Variants in PDZD4 observed in about 807,000 individuals in gnomAD.
The protein encoded by PDZD4 is PDZ domain-containing protein 4.
In PDZD4, 9 loss-of-function variants were observed where a neutral mutation model predicts 38.5. That is an observed-to-expected ratio of 0.23 (90% CI 0.14 to 0.41). The LOEUF is 0.41. Ranked by LOEUF, PDZD4 falls within the 10% of genes least tolerant of loss-of-function variation. PDZD4 has a pLI of 1.00. For missense variants in PDZD4, 612 were observed against 722.0 expected (o/e 0.85, Z 1.75); for synonymous variants, 349 against 315.7 (o/e 1.11, Z -1.12).
chrX:153,822,623 T>TTCTCTCTC (rs372129887), intron 1 of PDZD4, among the ~76,000 whole-genome samples: 131 of 89,880 alleles, frequency 1.5e-3, no homozygotes, highest in Non-Finnish European at 2.6e-3. Context: ...TGTTTTTTCT[T>TTCTCTCTC]TCTCTCTCTC....
At position 153,804,491 on chromosome X, in the gene PDZD4, C is replaced by T; in HGVS notation, c.1190G>A (p.Arg397His). 1.7e-6 allele frequency: 2 copies of T among 1,210,151 alleles called. No homozygotes were observed. Among genetic ancestry groups the T allele is most frequent in the Non-Finnish European group, 2.2e-6 (2 of 895,517 alleles). ...CATCTCGTGGCCCAGGCTCTCGTTGCGGTTGACGTCCAGGGCGCTGTTGCC... is the reference window on the plus strand; with the variant it reads ...CATCTCGTGGCCCAGGCTCTCGTTGTGGTTGACGTCCAGGGCGCTGTTGCC... ...SGGNSALDVN[R>H]NESLGHEMAM... The change falls in exon 8 of 8, where the codon CGC becomes CAC. Residue 397 changes from arginine (R) to histidine (H), a missense_variant. Physicochemically the swap from Arg to His is conservative, Grantham distance 29. Transcript: ENST00000393758.
intron 1 of PDZD4, among the ~76,000 whole-genome samples, chrX:153,821,745 G>A (rs1402604322): frequency 1.8e-5 from 2 of 111,508 alleles, no homozygotes; most frequent in South Asian, 3.8e-4. Flanking sequence ...AGACCTCAAC[G>A]AAGGCCTTCT....
chrX:153,807,914 G>T (rs782367218), intron 2 of PDZD4: 1 of 984,835 alleles, frequency 1.0e-6, no homozygotes, highest in Non-Finnish European at 1.3e-6. Context: ...TGAGCCACCA[G>T]GCCTGGATGA....
chrX:153,812,935 G>A (rs1417578565), intron 1 of PDZD4, among the ~76,000 whole-genome samples: 2 of 108,285 alleles, frequency 1.8e-5, no homozygotes, highest in African/African-American at 6.8e-5. Context: ...CACTCAACAT[G>A]GCCAACCCCA....
At position 153,805,581 on chromosome X, in the gene PDZD4, C is replaced by T; in HGVS notation, c.593G>A (p.Arg198Gln). 8.3e-7 allele frequency: 1 copy of T among 1,208,809 alleles called. No individual in the cohort carries two copies. Among genetic ancestry groups the T allele is most frequent in the Non-Finnish European group, 1.1e-6 (1 of 893,623 alleles). ...GCTCAGGATGGCCACCGCCTCTTCC[C>T]GGTTCTGGACGTCTACACCGTTAAT... ...IQINGVDVQN[R>Q]EEAVAILSQE... The change falls in exon 6 of 8, where the codon CGG becomes CAG. Residue 198 changes from arginine to glutamine, a missense_variant. Physicochemically the swap from Arg to Gln is conservative, Grantham distance 43. Around this residue, in one of 3 missense-constraint regions of PDZD4, gnomAD observed 225 missense variants for 311.0 expected, o/e 0.72. Transcript: ENST00000393758.
intron 1 of PDZD4, 104 bp from the exon 2 acceptor site, chrX:153,808,699 A>C: frequency 8.7e-6 from 8 of 923,860 alleles, no homozygotes. Context: ...GACAACCAGC[A>C]CCCCAAGCCA....
At chrX:153,806,377 G>A (rs922693438) in intron 4 of PDZD4, among the ~76,000 whole-genome samples, 8 of 112,638 alleles carry the variant, frequency 7.1e-5, no homozygotes, top group Non-Finnish European at 1.1e-4. Context: ...TTGGTGGGAA[G>A]TAGGACATTG....
intron 5 of PDZD4, 125 bp downstream of exon 5, chrX:153,805,946 G>C: frequency 2.7e-6 from 2 of 741,130 alleles, no homozygotes; most frequent in Non-Finnish European, 4.0e-6. Flanking sequence ...TTTAGGACAC[G>C]GCAGGCTGCT....
chrX:153,827,977 T>A (rs1355898985), intron 1 of PDZD4, among the ~76,000 whole-genome samples: 1 of 111,410 alleles, frequency 9.0e-6, no homozygotes, highest in Non-Finnish European at 1.9e-5. Context: ...CTCTGTGGAT[T>A]GTAGATGGAA....
In PDZD4 at chrX:153,806,065, G is replaced by A; in HGVS notation, c.567+6C>T. ...TGGGCCAGGCCTGCAGCCTGCAAGT[G>A]CTCACCTGGATGATGCGGTCTCCCT... On this transcript the variant is annotated splice_donor_region_variant and intron_variant, in intron 5 of 7. Coordinates refer to ENST00000393758, the MANE Select transcript of PDZD4 (RefSeq NM_001303512.2). 1 of 1,211,542 alleles carries A rather than the reference G, an allele frequency of 8.3e-7. No homozygotes were observed.
chrX:153,829,582 G>T, intron 1 of PDZD4: 1 of 364,495 alleles, frequency 2.7e-6, no homozygotes, highest in Non-Finnish European at 3.5e-6. Context: ...GCCCCGTTCC[G>T]GGCCGCGGGG....
chrX:153,803,029 C>T lies in PDZD4; in HGVS notation c.*324G>A. 1.1e-5 allele frequency: 2 copies of T among 185,228 alleles called. No homozygotes were observed. Among genetic ancestry groups the T allele is most frequent in the Non-Finnish European group, 2.0e-5 (2 of 99,421 alleles). The allele number at this position is 185,228 out of a possible 1,213,427, so 15.3% of individuals were successfully genotyped here. A position where few individuals can be genotyped will look rare whatever the true frequency, so the allele number is the denominator to read the frequency against. ...GGAGAGAGCACTGGGTGTGTGTGTG[C>T]GTGCACGTGCAAGCACACGCAAGAG... On this transcript the variant is annotated 3_prime_UTR_variant, in exon 8 of 8. Coordinates refer to ENST00000393758, the MANE Select transcript of PDZD4 (RefSeq NM_001303512.2).
intron 1 of PDZD4, among the ~76,000 whole-genome samples, chrX:153,825,435 G>A (rs1557082330): frequency 8.9e-6 from 1 of 112,496 alleles, no homozygotes; most frequent in Admixed American, 9.4e-5. Flanking sequence ...AGGGACATGG[G>A]CTGCAGAAAA....
intron 1 of PDZD4, among the ~76,000 whole-genome samples, chrX:153,823,429 G>A (rs1418953665): frequency 9.1e-6 from 1 of 110,265 alleles, no homozygotes; most frequent in Non-Finnish European, 1.9e-5. Flanking sequence ...TGTTGGTCAG[G>A]CTGGTCTCGA....
At chrX:153,808,666 C>T in intron 1 of PDZD4, 71 bp from the exon 2 acceptor site, 1 of 1,060,053 alleles carries the variant, frequency 9.4e-7, no homozygotes, top group Non-Finnish European at 1.2e-6. Flanking sequence ...AAGGCAGAGG[C>T]CCTAGCTGGC....
intron 2 of PDZD4, chrX:153,808,053 G>A: frequency 9.4e-7 from 1 of 1,059,421 alleles, no homozygotes; most frequent in Non-Finnish European, 1.2e-6. Flanking sequence ...GGCGGCAGAG[G>A]AGAGAGGATG....
At position 153,819,797 on chromosome X, in the gene PDZD4, G is replaced by T. The variant is rs1367887496; in HGVS notation, c.60+10442C>A. On this transcript the variant is annotated intron_variant, in intron 1 of 7. Transcript: ENST00000393758. ...TTCACCCACTCAGTGACCCAGCAAA[G>T]TCCCCATTCATGTTTCCCCAGCTCG... 2.7e-5 allele frequency among the ~76,000 whole-genome samples: 3 copies of T among 112,010 alleles called. No individual in the cohort carries two copies. In the Admixed American group the frequency reaches 2.8e-4, roughly 11 times the overall value.
In PDZD4 at chrX:153,830,458, G is replaced by T; in HGVS notation, c.-160C>A. ...AGGGGGGCACGCCCCCGAGGTGGGG[G>T]CAGCGGCTCGCCCCTCAGGTTAACT... On this transcript the variant is annotated 5_prime_UTR_variant, in exon 1 of 8. Coordinates refer to ENST00000393758, the MANE Select transcript of PDZD4 (RefSeq NM_001303512.2). 2.5e-6 allele frequency: 1 copy of T among 407,512 alleles called. No individual in the cohort carries two copies. Among genetic ancestry groups the T allele is most frequent in the Non-Finnish European group, 4.2e-6 (1 of 236,188 alleles). 33.6% of individuals were successfully genotyped at this position (407,512 alleles called of 1,213,427 possible).
rs782580030 is a variant in PDZD4, at chrX:153,803,823, C to T, written c.1858G>A (p.Ala620Thr). 7.0e-5 allele frequency: 84 copies of T among 1,196,181 alleles called. No individual in the cohort carries two copies. The highest frequency in any genetic ancestry group is 9.1e-5 in the Non-Finnish European group (81 of 890,000). ...AGGPRVGGVA[A>T]AATEAPRMEW... is the part of the protein sequence containing the mutation. ...ATGCGCGGTGCTTCAGTGGCCGCGG[C>T]CGCCACCCCGCCCACCCGAGGGCCA... The change falls in exon 8 of 8, where the codon GCC (alanine) becomes ACC (threonine). Residue 620 changes from alanine to threonine, a missense_variant. By Grantham distance (58) the Ala-to-Thr change is moderately conservative. Transcript: ENST00000393758.
Sources: gnomAD v4.1 joint callset for allele counts (sites outside exome capture counted in the v4.1 genomes callset) on GRCh38, gnomAD v4.1.1 for gene constraint, gnomAD v4.1.1 regional missense constraint, MANE v1.5 for transcripts, NCBI Gene and HGNC (gene_info 2026-07-23, HGNC 2026-07-21) for gene names.